OC90: variants seen among roughly 807,000 people sequenced by gnomAD.
OC90 encodes otoconin 90.
In OC90, 46 loss-of-function variants were observed where a neutral mutation model predicts 47.3. That is an observed-to-expected ratio of 0.97 (90% confidence interval 0.77 to 1.24). The LOEUF is 1.24. Among genes scored for constraint, OC90 ranks in the 50% most tolerant of loss-of-function variants. The probability of loss-of-function intolerance (pLI) is 0.00; values close to 1 mark genes in which losing one functional copy is unlikely to be tolerated. For missense variants in OC90, 688 were observed against 583.9 expected (o/e 1.18, Z -1.84); for synonymous variants, 271 against 219.5 (o/e 1.23, Z -2.07).
In OC90 at chr8:132,024,464, C is replaced by G; in HGVS notation, c.*17G>C. Reference sequence around the variant, plus strand: ...GGAGCCACGCTACTGAAGGTGTTAGCCATTTTCTCTGGGCATCTATCTTCC... The same window carrying G: ...GGAGCCACGCTACTGAAGGTGTTAGGCATTTTCTCTGGGCATCTATCTTCC... On this transcript the variant is annotated 3_prime_UTR_variant, in exon 14 of 14. Transcript: ENST00000254627. The G allele has an allele frequency of 6.6e-7, 1 of 1,523,964 alleles. No homozygotes were observed. Among genetic ancestry groups the G allele is most frequent in the Non-Finnish European group, 8.8e-7 (1 of 1,134,062 alleles). The allele number at this position is 1,523,964 out of a possible 1,614,324, so 94.4% of individuals were successfully genotyped here.
At chr8:132,039,212 C>G in intron 6 of OC90, 89 bp from the exon 7 acceptor site, 1 of 1,411,820 alleles carries the variant, frequency 7.1e-7, no homozygotes, top group Non-Finnish European at 9.7e-7. Flanking sequence ...TTCCTCATCT[C>G]CCCTGCCAAA....
At chr8:132,043,710 CAG>C (rs1296527424) in intron 4 of OC90, among the ~76,000 whole-genome samples, 1 of 152,204 alleles carries the variant, frequency 6.6e-6, no homozygotes, top group African/African-American at 2.4e-5. Flanking sequence ...AAAATAAAGA[CAG>C]AATTCTATGC....
At chr8:132,028,819 G>A (rs868001579) in intron 13 of OC90, among the ~76,000 whole-genome samples, 1 of 103,308 alleles carries the variant, frequency 9.7e-6, no homozygotes, top group Non-Finnish European at 2.0e-5. Context: ...AAGAAAGAAA[G>A]AAAAAGAAAG....
rs1822725525 is a variant in OC90 at position 132,024,536 on chromosome 8, C to T, written c.1379G>A (p.Arg460Lys). The stretch of plus-strand genomic sequence containing the variant: ...GGGACCCAGTGACTTCCGCAGAAAC[C>T]TCTTGGCTCTGCCGAGGTCCTCCTG... ...PPQEDLGRAK[R>K]FLRKSLGPLG... The change falls in exon 14 of 14, where the codon AGG (arginine) becomes AAG (lysine). Residue 460 changes from arginine (R) to lysine (K), a missense_variant. Coordinates refer to ENST00000254627, the MANE Select transcript of OC90 (RefSeq NM_001080399.3). The T allele has an allele frequency of 6.2e-7, 1 of 1,605,310 alleles. No individual in the cohort carries two copies. The highest frequency in any genetic ancestry group is 1.3e-5 in the African/African-American group (1 of 74,844).
chr8:132,047,393 A>G (rs1823147826), intron 2 of OC90, among the ~76,000 whole-genome samples: 1 of 152,214 alleles, frequency 6.6e-6, no homozygotes, highest in Non-Finnish European at 1.5e-5. Context: ...TCTGGGAGTT[A>G]CAGTGAGTCT....
intron 4 of OC90, 34 bp downstream of exon 4, chr8:132,044,399 C>G (rs1304917336): frequency 7.9e-7 from 1 of 1,270,620 alleles, no homozygotes; most frequent in Admixed American, 2.0e-5. Flanking sequence ...GCTCTGACCT[C>G]TGGTGGATAA....
At chr8:132,055,125 A>G in intron 1 of OC90, 52 bp from the exon 2 acceptor site, 1 of 1,028,428 alleles carries the variant, frequency 9.7e-7, no homozygotes, top group Non-Finnish European at 1.4e-6. Context: ...AATTCCCATG[A>G]AAGAACCCAT....
chr8:132,041,434 C>A, intron 5 of OC90, 91 bp downstream of exon 5: 1 of 1,202,306 alleles, frequency 8.3e-7, no homozygotes, highest in South Asian at 1.5e-5. Flanking sequence ...AGTCCAGGGG[C>A]TTTTCTGTAT....
At chr8:132,030,667 A>C (rs962064735) in intron 12 of OC90, among the ~76,000 whole-genome samples, 1 of 152,248 alleles carries the variant, frequency 6.6e-6, no homozygotes, top group African/African-American at 2.4e-5. Context: ...ATGACTGCAC[A>C]GTGTGACATC....
In OC90 at chr8:132,031,991, C is replaced by A. The variant is rs780430088; in HGVS notation, c.921G>T (p.Gln307His). ...GSGDNMQVMPQLGEMLFCLTS... is the reference protein window; with the variant it reads ...GSGDNMQVMPHLGEMLFCLTS... ...TCAGACAAAAGAGCATCTCTCCAAG[C>A]TGTGGCATCACCTGCATGTTGTCCC... Residue 307 changes from glutamine (Q) to histidine (H), a missense_variant, in exon 12 of 14, where the codon CAG (glutamine) becomes CAT (histidine). Transcript: ENST00000254627. 56 of 1,613,994 alleles carry A rather than the reference C, an allele frequency of 3.5e-5. No individual in the cohort carries two copies. The East Asian group carries it at 1.2e-3, about 35-fold the overall frequency.
At chr8:132,037,195 A>G (rs2130856029) in intron 9 of OC90, among the ~76,000 whole-genome samples, 1 of 152,374 alleles carries the variant, frequency 6.6e-6, no homozygotes, top group Non-Finnish European at 1.5e-5. Context: ...TAACTGAGAT[A>G]GTTTGGATAT....
At chr8:132,040,074 C>T (rs6471032) in intron 6 of OC90, among the ~76,000 whole-genome samples, 95,657 of 152,074 alleles carry the variant, frequency 0.63, 30,516 homozygotes, top group East Asian at 0.75. Context: ...AATACATATA[C>T]GTTGGGTGGA....
intron 6 of OC90, among the ~76,000 whole-genome samples, chr8:132,039,973 G>C (rs1823029257): frequency 6.6e-6 from 1 of 152,090 alleles, no homozygotes; most frequent in African/African-American, 2.4e-5. Flanking sequence ...ATTTGTTTTG[G>C]ATAGCTTCAG....
intron 7 of OC90, 74 bp from the exon 8 acceptor site, chr8:132,038,905 G>A (rs142380575): frequency 3.1e-6 from 5 of 1,604,180 alleles, no homozygotes; most frequent in Admixed American, 3.3e-5. Context: ...GCTGGACTTG[G>A]CATCTAGAGA....
chr8:132,043,380 G>A (rs1283097315), intron 4 of OC90, among the ~76,000 whole-genome samples: 1 of 152,188 alleles, frequency 6.6e-6, no homozygotes, highest in African/African-American at 2.4e-5. Context: ...GTAGTAAACC[G>A]AAGGCCAAAC....
Position 132,054,977 on chromosome 8 carries a change from T to A in OC90, c.46+4A>T. 1 of 1,546,848 alleles carries A rather than the reference T, an allele frequency of 6.5e-7. No homozygotes were observed. The highest frequency in any genetic ancestry group is 1.4e-5 in the African/African-American group (1 of 72,902). On this transcript the variant is annotated splice_donor_region_variant and intron_variant, in intron 2 of 13. Transcript: ENST00000254627. ...GAACTATGGTGTAAGATATCATTAC[T>A]CACCGGCATGGGGGATCATCAGCAC... is the stretch of plus-strand genomic sequence containing the variant.
chr8:132,047,773 C>T (rs946066850), intron 2 of OC90, among the ~76,000 whole-genome samples: 1 of 152,094 alleles, frequency 6.6e-6, no homozygotes, highest in African/African-American at 2.4e-5. Context: ...AAACAGTAAA[C>T]ATTTAAAAAT....
At position 132,031,938 on chromosome 8, in the gene OC90, G is replaced by C. The variant is rs1027131679; in HGVS notation, c.974C>G (p.Ser325Cys). ...LTSRCPEEFE[S>C]YGCYCGQEGR... ...TTCTTGTCCACAGTAACAGCCATAA[G>C]ACTCAAATTCCTCCGGGCACCGGGA... Residue 325 changes from serine to cysteine, a missense_variant, in exon 12 of 14, where the codon TCT becomes TGT. Transcript: ENST00000254627. 1.9e-6 allele frequency: 3 copies of C among 1,613,988 alleles called. No individual in the cohort carries two copies. Among genetic ancestry groups the C allele is most frequent in the Non-Finnish European group, 2.5e-6 (3 of 1,179,882 alleles).
Position 132,033,039 on chromosome 8 carries a change from C to A in OC90, c.859G>T (p.Ala287Ser). 6.2e-7 allele frequency: 1 copy of A among 1,608,866 alleles called. No homozygotes were observed. Residue 287 changes from alanine (A) to serine (S), a missense_variant and splice_region_variant, in exon 11 of 14, where the codon GCC becomes TCC. Ala to Ser is a moderately conservative substitution (Grantham distance 99). Transcript: ENST00000254627. Reference sequence around the variant, plus strand: ...GAGGACAGACACTGCTTCTGCTCACCTTTTTCAGTGGTCTCCTCAGGATCA... The same window carrying A: ...GAGGACAGACACTGCTTCTGCTCACATTTTTCAGTGGTCTCCTCAGGATCA... ...ENDPEETTEK[A>S]CDRFTFLHLG...
Sources: gnomAD v4.1 joint callset for allele counts (sites outside exome capture counted in the v4.1 genomes callset) on GRCh38, gnomAD v4.1.1 for gene constraint, MANE v1.5 for transcripts, NCBI Gene and HGNC (gene_info 2026-07-23, HGNC 2026-07-21) for gene names.